MBD5: variants seen among roughly 807,000 people sequenced by gnomAD.
MBD5 encodes the protein methyl-CpG-binding domain protein 5.
In MBD5, 13 loss-of-function variants were observed where a neutral mutation model predicts 117.3. The ratio of observed to expected loss-of-function variants is 0.11; its 90% CI spans 0.07 to 0.18. MBD5 has a LOEUF of 0.18. Among genes scored for constraint, MBD5 ranks in the 10% least tolerant of loss-of-function variants. The pLI is 1.00. For synonymous variants in MBD5, 727 were observed against 766.4 expected (o/e 0.95, Z 0.85); for missense variants, 1,879 against 2,093.8 (o/e 0.90, Z 2.00).
rs1246081658 is a variant in MBD5 at position 148,462,792 on chromosome 2, T to C, written c.216+108T>C. The C allele has an allele frequency of 1.2e-4, 86 of 733,530 alleles. No homozygotes were observed. The East Asian group carries it at 2.3e-3, about 20-fold the overall frequency. 45.4% of individuals were successfully genotyped at this position (733,530 alleles called of 1,614,324 possible). On this transcript the variant is annotated intron_variant, in intron 6 of 13. Coordinates refer to ENST00000642680, the MANE Select transcript of MBD5 (RefSeq NM_001378120.1). ...TTTTTATTACTTCTCCAATCATACA[T>C]TTTAATTCTTTATCTAATTCTCATA... is the stretch of plus-strand genomic sequence containing the variant.
chr2:148,262,423 A>G (rs1558996061), intron 3 of MBD5, among the ~76,000 whole-genome samples: 1 of 152,174 alleles, frequency 6.6e-6, no homozygotes, highest in Admixed American at 6.5e-5. Context: ...GAAAGTCTAT[A>G]CATTCTATTT....
Position 148,281,097 on chromosome 2 carries a change from T to C in MBD5, c.-680+47702T>C, listed in dbSNP as rs182753544. 5.3e-5 allele frequency among the ~76,000 whole-genome samples: 8 copies of C among 152,346 alleles called. No individual in the cohort carries two copies. The East Asian group carries it at 1.3e-3, about 26-fold the overall frequency. On this transcript the variant is annotated intron_variant, in intron 3 of 13. Transcript: ENST00000642680. ...TTATCTTCTCTGGATTTGATGATAATGATGCTTTTAATCCAAGGTATTCTA... is the reference window on the plus strand; with the variant it reads ...TTATCTTCTCTGGATTTGATGATAACGATGCTTTTAATCCAAGGTATTCTA...
At chr2:148,054,869 T>C (rs1694814220) in intron 1 of MBD5, 2 of 152,194 alleles carry the variant, frequency 1.3e-5, no homozygotes, top group South Asian at 4.1e-4. Flanking sequence ...GTGTCAATAT[T>C]ATATTCCCAC....
rs781154198 is a variant in MBD5, at chr2:148,490,223, A to C, written c.4591A>C (p.Ser1531Arg). ...AHINGNRPRQSRGFGELLSTA... is the reference protein window; with the variant it reads ...AHINGNRPRQRRGFGELLSTA... ...CATAAATGGGAATAGACCTCGACAG[A>C]GTCGGGGATTTGGAGAGCTGCTAAG... is the stretch of plus-strand genomic sequence containing the variant. The change falls in exon 11 of 14, where the codon AGT becomes CGT. Residue 1531 changes from serine (S) to arginine (R), a missense_variant. Ser to Arg is a moderately radical substitution (Grantham distance 110, BLOSUM62 -1). Transcript: ENST00000642680. The C allele has an allele frequency of 2.5e-6, 4 of 1,614,216 alleles. No individual in the cohort carries two copies. The highest frequency in any genetic ancestry group is 1.7e-5 in the Admixed American group (1 of 60,022).
chr2:148,410,541 T>G (rs961718868), intron 4 of MBD5, among the ~76,000 whole-genome samples: 1 of 152,186 alleles, frequency 6.6e-6, no homozygotes, highest in African/African-American at 2.4e-5. Flanking sequence ...GCAATCCTCC[T>G]GCCTCAGTCC....
intron 4 of MBD5, among the ~76,000 whole-genome samples, chr2:148,445,268 T>C (rs1417129566): frequency 1.3e-5 from 2 of 151,148 alleles, no homozygotes; most frequent in Non-Finnish European, 2.9e-5. Context: ...GTGTATCTCC[T>C]AATGCTATCC....
chr2:148,074,737 T>G (rs888488910), intron 1 of MBD5, among the ~76,000 whole-genome samples: 1 of 151,872 alleles, frequency 6.6e-6, no homozygotes, highest in Non-Finnish European at 1.5e-5. Flanking sequence ...TTCCTGACCT[T>G]GTGATCCACC....
At chr2:148,334,262 G>A (rs1435095820) in intron 3 of MBD5, among the ~76,000 whole-genome samples, 1 of 151,994 alleles carries the variant, frequency 6.6e-6, no homozygotes, top group African/African-American at 2.4e-5. Flanking sequence ...AAGTCAGTTA[G>A]CAATAGTCCT....
intron 1 of MBD5, among the ~76,000 whole-genome samples, chr2:148,150,196 A>G (rs1267265119): frequency 4.1e-5 from 6 of 146,508 alleles, no homozygotes; most frequent in Admixed American, 6.9e-5. Context: ...ATTAAATAGG[A>G]AATCCTTTCC....
At chr2:148,495,991 T>C (rs1445590234) in intron 11 of MBD5, among the ~76,000 whole-genome samples, 1 of 152,246 alleles carries the variant, frequency 6.6e-6, no homozygotes, top group Non-Finnish European at 1.5e-5. Flanking sequence ...CCTCCTGTGA[T>C]GTTCAGACAT....
intron 4 of MBD5, among the ~76,000 whole-genome samples, chr2:148,406,953 G>A (rs1705097736): frequency 6.6e-6 from 1 of 152,058 alleles, no homozygotes; most frequent in Non-Finnish European, 1.5e-5. Flanking sequence ...TTCATAACAT[G>A]ACCTGCAATT....
At position 148,468,883 on chromosome 2, in the gene MBD5, A is replaced by G. The variant is rs377254491; in HGVS notation, c.940A>G (p.Met314Val). Reference protein sequence around the residue: ...TTKSPVMKKPMCNFSTNMEIP... With the variant: ...TTKSPVMKKPVCNFSTNMEIP... Reference sequence around the variant, plus strand: ...AAAGAGTCCAGTAATGAAAAAACCAATGTGTAATTTTTCAACTAATATGGA... The same window carrying G: ...AAAGAGTCCAGTAATGAAAAAACCAGTGTGTAATTTTTCAACTAATATGGA... Residue 314 changes from methionine to valine, a missense_variant, in exon 8 of 14, where the codon ATG becomes GTG. Coordinates refer to ENST00000642680, the MANE Select transcript of MBD5 (RefSeq NM_001378120.1). 2 of 1,613,824 alleles carry G rather than the reference A, an allele frequency of 1.2e-6. No individual in the cohort carries two copies. The highest frequency in any genetic ancestry group is 1.7e-6 in the Non-Finnish European group (2 of 1,179,944).
intron 1 of MBD5, among the ~76,000 whole-genome samples, chr2:148,053,428 C>A (rs188603792): frequency 1.2e-4 from 18 of 151,988 alleles, no homozygotes; most frequent in Non-Finnish European, 7.4e-5. Flanking sequence ...TATCTATGAA[C>A]CTGTAATACC....
intron 3 of MBD5, among the ~76,000 whole-genome samples, chr2:148,311,849 G>C (rs1175597211): frequency 2.6e-5 from 4 of 152,280 alleles, no homozygotes; most frequent in East Asian, 3.9e-4. Context: ...GCCTGGTGGT[G>C]ATAAAATCTC....
At chr2:148,298,241 C>T (rs13393889) in intron 3 of MBD5, among the ~76,000 whole-genome samples, 55,791 of 152,018 alleles carry the variant, frequency 0.37, 10,628 homozygotes, top group Admixed American at 0.42. Context: ...TAGAATTTTA[C>T]ATCTGCAATA....
intron 3 of MBD5, among the ~76,000 whole-genome samples, chr2:148,328,470 C>T (rs1212068967): frequency 4.6e-5 from 7 of 152,240 alleles, no homozygotes; most frequent in Admixed American, 3.9e-4. Flanking sequence ...TGATCTCAGA[C>T]TGCTGTGCTA....
intron 2 of MBD5, among the ~76,000 whole-genome samples, chr2:148,197,792 A>AG (rs913803701): frequency 8.9e-5 from 6 of 67,634 alleles, no homozygotes; most frequent in East Asian, 4.4e-4. Context: ...ATAGCATCTG[A>AG]GGTTTTTTTT....
chr2:148,116,176 T>A (rs1006154851), intron 1 of MBD5, among the ~76,000 whole-genome samples: 14 of 144,544 alleles, frequency 9.7e-5, no homozygotes, highest in African/African-American at 3.6e-4. Context: ...TACGTTTACC[T>A]ACATGTTTTT....
intron 1 of MBD5, among the ~76,000 whole-genome samples, chr2:148,100,789 A>G (rs1206584456): frequency 6.6e-6 from 1 of 152,166 alleles, no homozygotes; most frequent in African/African-American, 2.4e-5. Flanking sequence ...ATTGTTTGCC[A>G]TACTCTTTTG....
Sources: gnomAD v4.1 joint callset for allele counts (sites outside exome capture counted in the v4.1 genomes callset) on GRCh38, gnomAD v4.1.1 for gene constraint, MANE v1.5 for transcripts, NCBI Gene and HGNC (gene_info 2026-07-23, HGNC 2026-07-21) for gene names.